Variants in ZFAND3 observed in about 807,000 individuals in gnomAD.
The protein encoded by ZFAND3 is zinc finger AN1-type containing 3.
In ZFAND3, 10 loss-of-function variants were observed where a neutral mutation model predicts 29.6. That is an observed-to-expected ratio of 0.34 (90% CI 0.21 to 0.57). The LOEUF is 0.57. Among genes scored for constraint, ZFAND3 ranks in the 20% least tolerant of loss-of-function variants. ZFAND3 has a pLI of 0.86. For synonymous variants in ZFAND3, 128 were observed against 112.6 expected, an observed-to-expected ratio of 1.14 and a Z score of -0.87; for missense variants, 230 against 304.5, an observed-to-expected ratio of 0.76 and a Z score of 1.82.
intron 2 of ZFAND3, among the ~76,000 whole-genome samples, chr6:37,981,948 G>T (rs879419673): frequency 6.6e-6 from 1 of 152,100 alleles, no homozygotes; most frequent in African/African-American, 2.4e-5. Context: ...ACTCAAAGTG[G>T]GGAGAGGGCT....
intron 2 of ZFAND3, among the ~76,000 whole-genome samples, chr6:38,030,796 A>T (rs1235742693): frequency 1.3e-5 from 2 of 152,220 alleles, no homozygotes; most frequent in South Asian, 2.1e-4. Flanking sequence ...AAAAAACTTC[A>T]TGGGGGTAAG....
At position 38,144,200 on chromosome 6, in the gene ZFAND3, TA is replaced by T. The variant is rs1409045823; in HGVS notation, c.530-8034del. On this transcript the variant is annotated intron_variant, in intron 5 of 5. Coordinates refer to ENST00000287218, the MANE Select transcript of ZFAND3 (RefSeq NM_021943.3). ...TATATATATAATATATATATATATA[TA>T]TATATATATAATATATAATATATAT... is the stretch of plus-strand genomic sequence containing the variant. Among the ~76,000 whole-genome samples the T allele has an allele frequency of 1.8e-3, 73 of 41,210 alleles. 1 individual carries two copies. Among genetic ancestry groups the T allele is most frequent in the African/African-American group, 7.7e-3 (53 of 6,866 alleles). 27.0% of individuals were successfully genotyped at this position (41,210 alleles called of 152,430 possible). A position where few individuals can be genotyped will look rare whatever the true frequency, so the allele number is the denominator to read the frequency against.
At chr6:38,115,983 C>G (rs1765409500) in intron 4 of ZFAND3, among the ~76,000 whole-genome samples, 1 of 152,150 alleles carries the variant, frequency 6.6e-6, no homozygotes, top group Non-Finnish European at 1.5e-5. Context: ...CATTCTGAAT[C>G]AAATTGAACT....
chr6:38,143,341 A>C (rs1766002294), intron 5 of ZFAND3: 1 of 152,306 alleles, frequency 6.6e-6, no homozygotes, highest in Admixed American at 6.5e-5. Context: ...GGACTGTGGC[A>C]CAGTTTTCTT....
chr6:37,896,171 C>T (rs1440329950), intron 1 of ZFAND3, among the ~76,000 whole-genome samples: 1 of 152,130 alleles, frequency 6.6e-6, no homozygotes. Context: ...TTTATTTAAA[C>T]CTTTTTTCTT....
intron 1 of ZFAND3, among the ~76,000 whole-genome samples, chr6:37,856,105 C>T (rs1764378125): frequency 6.6e-6 from 1 of 151,970 alleles, no homozygotes; most frequent in Non-Finnish European, 1.5e-5. Context: ...AGTGATCCTC[C>T]AGCCTGTGCC....
Position 38,025,866 on chromosome 6 carries a change from G to A in ZFAND3, c.113-35727G>A, listed in dbSNP as rs185744927. 2.3e-4 allele frequency among the ~76,000 whole-genome samples: 35 copies of A among 152,320 alleles called. No individual in the cohort carries two copies. In the East Asian group the frequency reaches 6.6e-3, roughly 29 times the overall value. ...GATTGTTTTGCTTAGAGCTGCCGGTGGGAGTTGTCTGGAAAGTCGGAAGGG... is the reference window on the plus strand; with the variant it reads ...GATTGTTTTGCTTAGAGCTGCCGGTAGGAGTTGTCTGGAAAGTCGGAAGGG... On this transcript the variant is annotated intron_variant, in intron 2 of 5. Coordinates refer to ENST00000287218, the MANE Select transcript of ZFAND3 (RefSeq NM_021943.3).
chr6:38,016,801 A>G (rs925117680), intron 2 of ZFAND3, among the ~76,000 whole-genome samples: 1 of 152,134 alleles, frequency 6.6e-6, no homozygotes, highest in African/African-American at 2.4e-5. Context: ...TTCAGTGCAG[A>G]ATTACTGTTA....
chr6:38,120,578 G>A lies in ZFAND3; in HGVS notation c.529+3839G>A, dbSNP rs141213722. ...TGAGCTCAGGCAGTCCACCTGCCTC[G>A]GCCTCCCAAAGTGTTAGGATTACAG... is the stretch of plus-strand genomic sequence containing the variant. On this transcript the variant is annotated intron_variant, in intron 5 of 5. Transcript: ENST00000287218. Among the ~76,000 whole-genome samples, 1,332 of 151,920 alleles carry A rather than the reference G, an allele frequency of 8.8e-3. 18 individuals carry two copies. Among genetic ancestry groups the A allele is most frequent in the African/African-American group, 0.03 (1,254 of 41,458 alleles).
intron 2 of ZFAND3, among the ~76,000 whole-genome samples, chr6:38,040,348 T>A (rs1017383078): frequency 2.0e-5 from 3 of 152,186 alleles, no homozygotes; most frequent in Admixed American, 6.5e-5. Context: ...TATTTTTCTT[T>A]CTGTGACTGG....
In ZFAND3 at chr6:38,153,056, C is replaced by T. The variant is rs982716390; in HGVS notation, c.*667C>T. The T allele has an allele frequency of 7.4e-5, 73 of 985,578 alleles. No homozygotes were observed. The highest frequency in any genetic ancestry group is 7.3e-5 in the Non-Finnish European group (61 of 829,958). 61.1% of individuals were successfully genotyped at this position (985,578 alleles called of 1,614,324 possible). On this transcript the variant is annotated 3_prime_UTR_variant, in exon 6 of 6. Coordinates refer to ENST00000287218, the MANE Select transcript of ZFAND3 (RefSeq NM_021943.3). ...ACAGTAACCTCACTTTGAAAATTAG[C>T]TCCACTCAAGACTAGTCCACGAACG...
At position 37,982,918 on chromosome 6, in the gene ZFAND3, C is replaced by T. The variant is rs1439797476; in HGVS notation, c.112+52919C>T. Among the ~76,000 whole-genome samples, 3 of 152,088 alleles carry T rather than the reference C, an allele frequency of 2.0e-5. No homozygotes were observed. The East Asian group carries it at 5.8e-4, about 29-fold the overall frequency. On this transcript the variant is annotated intron_variant, in intron 2 of 5. Transcript: ENST00000287218. The stretch of plus-strand genomic sequence containing the variant: ...AAGACAGTGATGCTGATGATCCTTA[C>T]CCTGTGTTGACTTAGGCTAATGTAT...
At chr6:38,018,454 A>G (rs1763288474) in intron 2 of ZFAND3, among the ~76,000 whole-genome samples, 1 of 152,198 alleles carries the variant, frequency 6.6e-6, no homozygotes, top group Admixed American at 6.5e-5. Context: ...GGGGAAGTAC[A>G]CACATTCCAC....
intron 2 of ZFAND3, among the ~76,000 whole-genome samples, chr6:38,000,910 CTG>C (rs1762936781): frequency 6.6e-6 from 1 of 152,156 alleles, no homozygotes; most frequent in South Asian, 2.1e-4. Context: ...ATATCACTGA[CTG>C]AGTCTTGCGC....
intron 1 of ZFAND3, among the ~76,000 whole-genome samples, chr6:37,928,563 C>A (rs1266467407): frequency 6.6e-6 from 1 of 152,104 alleles, no homozygotes; most frequent in African/African-American, 2.4e-5. Flanking sequence ...CTCTGTTGCC[C>A]AGGCTGGAGT....
In ZFAND3 at chr6:37,996,173, A is replaced by G. The variant is rs557585019; in HGVS notation, c.113-65420A>G. Among the ~76,000 whole-genome samples the G allele has an allele frequency of 2.0e-5, 3 of 152,240 alleles. No individual in the cohort carries two copies. The South Asian group carries it at 6.2e-4, about 32-fold the overall frequency. On this transcript the variant is annotated intron_variant, in intron 2 of 5. Transcript: ENST00000287218. The stretch of plus-strand genomic sequence containing the variant: ...TCTTATCTTTCTTATCTTGCAGAAG[A>G]AAAGGAATTTTAAGTGCAGATTTTC...
intron 1 of ZFAND3, among the ~76,000 whole-genome samples, chr6:37,855,670 T>C (rs1764368778): frequency 6.6e-6 from 1 of 152,154 alleles, no homozygotes; most frequent in Admixed American, 6.5e-5. Context: ...TCTAGTATCT[T>C]TTCTTTTTGG....
intron 1 of ZFAND3, among the ~76,000 whole-genome samples, chr6:37,904,915 A>T (rs1313576403): frequency 6.6e-6 from 1 of 152,190 alleles, no homozygotes. Context: ...CATGTTGTGT[A>T]AGGCTTCTAG....
In ZFAND3 at chr6:38,116,667, A is replaced by G. The variant is rs1231450633; in HGVS notation, c.457A>G (p.Ser153Gly). The stretch of plus-strand genomic sequence containing the variant: ...GGAAACCAGTCGATCTAAACAGAAG[A>G]GTCGACGTCGGTGCTTCCAGTGCCA... ...SEETSRSKQK[S>G]RRRCFQCQTK... is the part of the protein sequence containing the mutation. The change falls in exon 5 of 6, where the codon AGT (serine) becomes GGT (glycine). Residue 153 changes from serine (S) to glycine (G), a missense_variant. Ser to Gly is a moderately conservative substitution (Grantham distance 56). Coordinates refer to ENST00000287218, the MANE Select transcript of ZFAND3 (RefSeq NM_021943.3). 1 of 1,614,042 alleles carries G rather than the reference A, an allele frequency of 6.2e-7. No homozygotes were observed. Among genetic ancestry groups the G allele is most frequent in the African/African-American group, 1.3e-5 (1 of 74,928 alleles).
Sources: gnomAD v4.1 joint callset for allele counts (sites outside exome capture counted in the v4.1 genomes callset) on GRCh38, gnomAD v4.1.1 for gene constraint, MANE v1.5 for transcripts, NCBI Gene and HGNC (gene_info 2026-07-23, HGNC 2026-07-21) for gene names.